The following CCDC90B variants were observed in gnomAD, a reference collection of about 807,000 sequenced individuals.
CCDC90B encodes the protein coiled-coil domain containing 90B.
In CCDC90B, 24 loss-of-function variants were observed where a neutral mutation model predicts 37.0. The observed-to-expected ratio is 0.65, with a 90% CI of 0.47 to 0.91. The LOEUF (loss-of-function observed/expected upper bound fraction) is 0.91. Among genes scored for constraint, CCDC90B ranks in the 40% least tolerant of loss-of-function variants. The pLI, the probability that CCDC90B is intolerant of heterozygous loss-of-function variation, is 0.00. For missense variants in CCDC90B, 319 were observed against 299.0 expected (o/e 1.07, Z -0.49); for synonymous variants, 113 against 101.1 (o/e 1.12, Z -0.71).
chr11:83,276,688 C>G (rs916464450), intron 3 of CCDC90B, among the ~76,000 whole-genome samples: 1 of 152,090 alleles, frequency 6.6e-6, no homozygotes, highest in Non-Finnish European at 1.5e-5. Context: ...CCTCATTCTT[C>G]CTTTAAATAC....
chr11:83,260,697 A>C lies in CCDC90B; in HGVS notation c.*1214T>G, dbSNP rs950808135. On this transcript the variant is annotated 3_prime_UTR_variant, in exon 9 of 9. Transcript: ENST00000529689. ...AAGGCATTATGAACTCAAAATGTTT[A>C]CTTTCTGGTCTTGTCTTCTTGATCT... 4 of 152,206 alleles carry C rather than the reference A, an allele frequency of 2.6e-5. No homozygotes were observed. Among genetic ancestry groups the C allele is most frequent in the African/African-American group, 4.8e-5 (2 of 41,466 alleles). The allele number at this position is 152,206 out of a possible 1,614,324, so 9.4% of individuals were successfully genotyped here.
At position 83,259,659 on chromosome 11, in the gene CCDC90B, G is replaced by T. The variant is rs944903068; in HGVS notation, c.*2252C>A. ...ATTTGCTGATAAAACTATTGGAGAA[G>T]TTTTTTTTTAGGAGACAGGGTCTCA... is the stretch of plus-strand genomic sequence containing the variant. On this transcript the variant is annotated 3_prime_UTR_variant, in exon 9 of 9. Transcript: ENST00000529689. 2 of 151,462 alleles carry T rather than the reference G, an allele frequency of 1.3e-5. No individual in the cohort carries two copies. The highest frequency in any genetic ancestry group is 6.6e-5 in the Admixed American group (1 of 15,186). 9.4% of individuals were successfully genotyped at this position (151,462 alleles called of 1,614,324 possible).
chr11:83,269,048 G>C (rs1241030354), intron 7 of CCDC90B, among the ~76,000 whole-genome samples: 2 of 152,134 alleles, frequency 1.3e-5, no homozygotes, highest in Non-Finnish European at 2.9e-5. Context: ...CAGAAATAAA[G>C]ATGTTCTTTG....
chr11:83,276,285 T>G (rs1455826852), intron 3 of CCDC90B, among the ~76,000 whole-genome samples: 1 of 152,192 alleles, frequency 6.6e-6, no homozygotes, highest in African/African-American at 2.4e-5. Flanking sequence ...ATTACTGAGA[T>G]TACATAGAAG....
intron 3 of CCDC90B, among the ~76,000 whole-genome samples, chr11:83,275,731 G>C (rs1012316930): frequency 6.6e-6 from 1 of 152,176 alleles, no homozygotes; most frequent in Non-Finnish European, 1.5e-5. Context: ...AAAAAAGAGT[G>C]TGAGTTCTGG....
intron 1 of CCDC90B, among the ~76,000 whole-genome samples, chr11:83,280,831 G>C (rs190059744): frequency 3.9e-5 from 6 of 152,178 alleles, no homozygotes; most frequent in African/African-American, 1.4e-4. Flanking sequence ...TCTTTAGCAC[G>C]TAGAACAGTG....
intron 4 of CCDC90B, 65 bp from the exon 5 acceptor site, chr11:83,274,057 C>G: frequency 7.6e-7 from 1 of 1,313,058 alleles, no homozygotes; most frequent in Non-Finnish European, 1.0e-6. Flanking sequence ...TTAAAAAAAT[C>G]TGAAACCCTA....
chr11:83,273,727 TAAA>T (rs60237170), intron 6 of CCDC90B, 27 bp from the exon 7 acceptor site: 3 of 1,574,884 alleles, frequency 1.9e-6, no homozygotes, highest in Non-Finnish European at 2.6e-6. Context: ...AGCAGGAAGT[TAAA>T]AAAAAAGTCT....
chr11:83,280,062 C>A, intron 2 of CCDC90B, 79 bp downstream of exon 2: 1 of 1,400,122 alleles, frequency 7.1e-7, no homozygotes, highest in South Asian at 1.4e-5. Context: ...TTTGATTGTT[C>A]ATAATAGTGA....
chr11:83,286,125 C>T lies in CCDC90B; in HGVS notation c.-153G>A. 6.5e-7 allele frequency: 1 copy of T among 1,536,352 alleles called. No homozygotes were observed. The highest frequency in any genetic ancestry group is 1.2e-5 in the South Asian group (1 of 84,060). ...CTCCCAGCGCAGGCGCCACCGTGGTCCCACGAAACTGGGTCTCTTCACAGA... is the reference window on the plus strand; with the variant it reads ...CTCCCAGCGCAGGCGCCACCGTGGTTCCACGAAACTGGGTCTCTTCACAGA... On this transcript the variant is annotated 5_prime_UTR_variant, in exon 1 of 9. Transcript: ENST00000529689.
chr11:83,273,966 A>C lies in CCDC90B; in HGVS notation c.453T>G (p.Val151=). Residue 151 remains valine (V), a synonymous_variant, in exon 5 of 9, where the codon GTT becomes GTG. Transcript: ENST00000529689. ...ATTCACTTACCATTAGTTGTTGCTT[A>C]ACTTGGTCTAATTCAATTTTCATTT... ...NEKMKIELDQ[V]KQQLMHETSR... 6.3e-7 allele frequency: 1 copy of C among 1,583,400 alleles called. No homozygotes were observed. The highest frequency in any genetic ancestry group is 8.6e-7 in the Non-Finnish European group (1 of 1,166,464).
At chr11:83,279,561 G>C (rs1865263038) in intron 2 of CCDC90B, among the ~76,000 whole-genome samples, 1 of 151,988 alleles carries the variant, frequency 6.6e-6, no homozygotes, top group South Asian at 2.1e-4. Context: ...AAAACTGCTT[G>C]TTCTTCTTTT....
At chr11:83,269,998 A>G (rs1864554484) in intron 7 of CCDC90B, among the ~76,000 whole-genome samples, 1 of 152,238 alleles carries the variant, frequency 6.6e-6, no homozygotes, top group African/African-American at 2.4e-5. Flanking sequence ...AAGCTGGTTC[A>G]GTATACACAA....
Position 83,260,753 on chromosome 11 carries a change from A to G in CCDC90B, c.*1158T>C, listed in dbSNP as rs1472683166. On this transcript the variant is annotated 3_prime_UTR_variant, in exon 9 of 9. Coordinates refer to ENST00000529689, the MANE Select transcript of CCDC90B (RefSeq NM_021825.5). Reference sequence around the variant, plus strand: ...AGACTGAAGAACTAAGATGAAAAGGATATTTTAAAATTTCTTTGAAATTAC... The same window carrying G: ...AGACTGAAGAACTAAGATGAAAAGGGTATTTTAAAATTTCTTTGAAATTAC... 6.6e-6 allele frequency: 1 copy of G among 152,226 alleles called. No individual in the cohort carries two copies. The highest frequency in any genetic ancestry group is 6.5e-5 in the Admixed American group (1 of 15,290). The allele number at this position is 152,226 out of a possible 1,614,324, so 9.4% of individuals were successfully genotyped here.
At chr11:83,285,536 C>G (rs996909861) in intron 1 of CCDC90B, 2 of 1,172,908 alleles carry the variant, frequency 1.7e-6, no homozygotes, top group African/African-American at 3.2e-5. Flanking sequence ...AACAGGACAC[C>G]CTCAAACACA....
intron 3 of CCDC90B, among the ~76,000 whole-genome samples, chr11:83,277,483 AT>A (rs1304129073): frequency 6.6e-6 from 1 of 151,762 alleles, no homozygotes; most frequent in African/African-American, 2.4e-5. Flanking sequence ...TACAGTTTTA[AT>A]TTTTGTTTTT....
intron 1 of CCDC90B, 47 bp downstream of exon 1, chr11:83,285,826 C>G: frequency 6.4e-7 from 1 of 1,572,288 alleles, no homozygotes; most frequent in East Asian, 2.3e-5. Context: ...CGGGCATCGT[C>G]TCCCTAGAGA....
intron 2 of CCDC90B, among the ~76,000 whole-genome samples, 198 bp from the exon 3 acceptor site, chr11:83,279,027 T>G (rs1316997472): frequency 1.3e-5 from 2 of 152,206 alleles, no homozygotes; most frequent in Non-Finnish European, 2.9e-5. Context: ...CTCACGCCTG[T>G]AATCCCAGCA....
At position 83,286,166 on chromosome 11, in the gene CCDC90B, C is replaced by A; in HGVS notation, c.-194G>T. ...TCTTCACAGACAGACCCACAGTTCG[C>A]GAGCATGGCTCAGCGCTGCCCCGCT... is the stretch of plus-strand genomic sequence containing the variant. On this transcript the variant is annotated 5_prime_UTR_variant, in exon 1 of 9. Transcript: ENST00000529689. The A allele has an allele frequency of 6.5e-7, 1 of 1,536,078 alleles. No homozygotes were observed. The highest frequency in any genetic ancestry group is 8.7e-7 in the Non-Finnish European group (1 of 1,146,864).
Sources: allele counts gnomAD v4.1 joint callset (sites outside exome capture counted in the v4.1 genomes callset), GRCh38; gene constraint gnomAD v4.1.1; transcripts MANE v1.5; gene names NCBI Gene and HGNC (gene_info 2026-07-23, HGNC 2026-07-21).